Variants in EPHA6 observed in about 807,000 individuals in gnomAD.
The protein encoded by EPHA6 is EPH receptor A6, also known as ephrin type-A receptor 6.
In EPHA6, 50 loss-of-function variants were observed where a neutral mutation model predicts 112.0. The ratio of observed to expected loss-of-function variants is 0.45; its 90% CI spans 0.36 to 0.56. The LOEUF is 0.56. Ranked by LOEUF, EPHA6 falls within the 20% of genes least tolerant of loss-of-function variation. EPHA6 has a pLI of 0.00. For synonymous variants in EPHA6, 529 were observed against 490.7 expected, an observed-to-expected ratio of 1.08 and a Z score of -1.03; for missense variants, 1,280 against 1,417.4, an observed-to-expected ratio of 0.90 and a Z score of 1.56.
At chr3:97,186,302 C>T (rs555332120) in intron 3 of EPHA6, among the ~76,000 whole-genome samples, 1 of 152,058 alleles carries the variant, frequency 6.6e-6, no homozygotes, top group Admixed American at 6.5e-5. Flanking sequence ...TTTTAAGTTG[C>T]TGACTAATCT....
intron 3 of EPHA6, among the ~76,000 whole-genome samples, chr3:97,016,672 C>A (rs2107964238): frequency 6.6e-6 from 1 of 152,266 alleles, no homozygotes; most frequent in African/African-American, 2.4e-5. Flanking sequence ...ATAAGCATAT[C>A]TTTCATTCCC....
chr3:97,065,797 G>A (rs1421286492), intron 3 of EPHA6, among the ~76,000 whole-genome samples: 1 of 151,900 alleles, frequency 6.6e-6, no homozygotes, highest in Non-Finnish European at 1.5e-5. Flanking sequence ...CTTCCAGTGT[G>A]TTCAGATCAT....
At chr3:97,528,570 G>A (rs191708026) in intron 10 of EPHA6, among the ~76,000 whole-genome samples, 112 of 152,156 alleles carry the variant, frequency 7.4e-4, no homozygotes, top group African/African-American at 2.4e-3. Context: ...CATTGGGACC[G>A]TGGCTCTTTG....
chr3:96,962,078 A>C (rs2041964185), intron 2 of EPHA6, among the ~76,000 whole-genome samples: 1 of 152,130 alleles, frequency 6.6e-6, no homozygotes, highest in Non-Finnish European at 1.5e-5. Flanking sequence ...CTTTTCCTCT[A>C]GGGATGTTGA....
At chr3:97,132,377 A>T (rs1184591947) in intron 3 of EPHA6, among the ~76,000 whole-genome samples, 2 of 152,036 alleles carry the variant, frequency 1.3e-5, no homozygotes. Context: ...GAATTATTTG[A>T]TATGGGTGGA....
At chr3:97,595,642 T>C (rs1226194620) in intron 12 of EPHA6, among the ~76,000 whole-genome samples, 1 of 142,838 alleles carries the variant, frequency 7.0e-6, no homozygotes, top group Non-Finnish European at 1.5e-5. Flanking sequence ...CGAAACTTCA[T>C]CTCAAAAAAG....
chr3:97,305,846 C>T (rs901477028), intron 5 of EPHA6, among the ~76,000 whole-genome samples: 9 of 151,596 alleles, frequency 5.9e-5, no homozygotes, highest in Non-Finnish European at 1.3e-4. Context: ...ACCTGCACGT[C>T]CTGCACATGT....
intron 3 of EPHA6, among the ~76,000 whole-genome samples, chr3:97,011,230 C>A (rs1224044474): frequency 6.6e-6 from 1 of 152,142 alleles, no homozygotes; most frequent in East Asian, 1.9e-4. Context: ...GGAAACTGTA[C>A]AGGAGTGTGC....
chr3:97,665,503 C>A (rs2029953164), intron 14 of EPHA6, among the ~76,000 whole-genome samples: 1 of 152,062 alleles, frequency 6.6e-6, no homozygotes, highest in African/African-American at 2.4e-5. Context: ...ACTAAAAGTT[C>A]AGACATGTTA....
chr3:96,953,970 T>A (rs2041658380), intron 2 of EPHA6, among the ~76,000 whole-genome samples: 1 of 152,098 alleles, frequency 6.6e-6, no homozygotes, highest in African/African-American at 2.4e-5. Context: ...CCTGCTGCAC[T>A]TAAGGGATAC....
chr3:97,371,228 G>A (rs1259524982), intron 5 of EPHA6, among the ~76,000 whole-genome samples: 2 of 152,020 alleles, frequency 1.3e-5, no homozygotes, highest in African/African-American at 4.8e-5. Flanking sequence ...ACTTCTTAAA[G>A]GTAAGTATAT....
chr3:96,825,308 T>G (rs2033575133), intron 1 of EPHA6, among the ~76,000 whole-genome samples: 1 of 151,798 alleles, frequency 6.6e-6, no homozygotes, highest in South Asian at 2.1e-4. Flanking sequence ...AAATGTTATA[T>G]TTAGTGATGA....
chr3:97,343,807 A>G (rs1245210593), intron 5 of EPHA6, among the ~76,000 whole-genome samples: 1 of 152,198 alleles, frequency 6.6e-6, no homozygotes, highest in Non-Finnish European at 1.5e-5. Context: ...CAGGGTTGGG[A>G]CATAGAAAGA....
chr3:97,481,762 G>A (rs965177136), intron 9 of EPHA6, among the ~76,000 whole-genome samples: 1 of 151,920 alleles, frequency 6.6e-6, no homozygotes, highest in Non-Finnish European at 1.5e-5. Context: ...AGAGCTGAGA[G>A]AACTGATATC....
chr3:97,755,771 A>ACTTGT lies in EPHA6; in HGVS notation c.*7070_*7071insCTTGT, dbSNP rs2036011423. The stretch of plus-strand genomic sequence containing the variant: ...CAAATTGATGTGAACATTTCTCTAC[A>ACTTGT]AGTTTTTCCACATTTGTAGCTCATC... On this transcript the variant is annotated 3_prime_UTR_variant, in exon 18 of 18. Transcript: ENST00000389672. Among the ~76,000 whole-genome samples, 1 of 152,084 alleles carries ACTTGT rather than the reference A, an allele frequency of 6.6e-6. No individual in the cohort carries two copies. Among genetic ancestry groups the ACTTGT allele is most frequent in the South Asian group, 2.1e-4 (1 of 4,830 alleles).
chr3:97,125,597 T>C (rs1433823740), intron 3 of EPHA6, among the ~76,000 whole-genome samples: 1 of 152,218 alleles, frequency 6.6e-6, no homozygotes, highest in Admixed American at 6.5e-5. Flanking sequence ...TTTGGTATCT[T>C]AATTTTTCTA....
Position 96,866,856 on chromosome 3 carries a change from A to G in EPHA6, c.417A>G (p.Gly139=). Residue 139 remains glycine, a synonymous_variant, in exon 2 of 18, where the codon GGA becomes GGG. Coordinates refer to ENST00000389672, the MANE Select transcript of EPHA6 (RefSeq NM_001080448.3). The part of the protein sequence containing the change: ...VVLLDTTTVL[G]ELGWKTYPLN... ...TGCTTGATACAACAACTGTACTGGG[A>G]GAGCTAGGATGGAAAACATATCCAT... is the stretch of plus-strand genomic sequence containing the variant. 1 of 1,491,190 alleles carries G rather than the reference A, an allele frequency of 6.7e-7. No homozygotes were observed. The highest frequency in any genetic ancestry group is 9.0e-7 in the Non-Finnish European group (1 of 1,116,792). 92.4% of individuals were successfully genotyped at this position (1,491,190 alleles called of 1,614,324 possible). A position where few individuals can be genotyped will look rare whatever the true frequency, so the allele number is the denominator to read the frequency against.
intron 5 of EPHA6, among the ~76,000 whole-genome samples, chr3:97,375,642 G>A (rs1400601652): frequency 6.6e-6 from 1 of 152,086 alleles, no homozygotes; most frequent in Non-Finnish European, 1.5e-5. Context: ...TGAGGAAAAT[G>A]TATATATCAT....
chr3:96,818,546 T>A (rs917242215), intron 1 of EPHA6, among the ~76,000 whole-genome samples: 3 of 151,996 alleles, frequency 2.0e-5, no homozygotes, highest in African/African-American at 7.2e-5. Context: ...ATCAACTGCA[T>A]AATCCACTGA....
Sources: allele counts gnomAD v4.1 joint callset (sites outside exome capture counted in the v4.1 genomes callset), GRCh38; gene constraint gnomAD v4.1.1; transcripts MANE v1.5; gene names NCBI Gene and HGNC (gene_info 2026-07-23, HGNC 2026-07-21).